The following MAN1A2 variants were observed in gnomAD, a reference collection of about 807,000 sequenced individuals.
MAN1A2 encodes the protein mannosidase alpha class 1A member 2.
A neutral mutation model predicts 75.7 loss-of-function variants in MAN1A2; 26 were observed. That is an observed-to-expected ratio of 0.34 (90% confidence interval 0.25 to 0.48). The LOEUF is 0.48. Ranked by LOEUF, MAN1A2 falls within the 20% of genes least tolerant of loss-of-function variation. The pLI, the probability that MAN1A2 is intolerant of heterozygous loss-of-function variation, is 0.99. For synonymous variants in MAN1A2, 247 were observed against 264.6 expected, an observed-to-expected ratio of 0.93 and a Z score of 0.65; for missense variants, 562 against 775.5, an observed-to-expected ratio of 0.72 and a Z score of 3.27.
chr1:117,440,030 T>G (rs1648979071), intron 5 of MAN1A2, among the ~76,000 whole-genome samples: 1 of 152,212 alleles, frequency 6.6e-6, no homozygotes. Context: ...AATAGAGGAC[T>G]GAGTAAATAA....
At chr1:117,457,077 T>C (rs1482873399) in intron 6 of MAN1A2, among the ~76,000 whole-genome samples, 1 of 152,120 alleles carries the variant, frequency 6.6e-6, no homozygotes, top group Non-Finnish European at 1.5e-5. Flanking sequence ...AATACATTGA[T>C]TAAATATATT....
chr1:117,473,331 A>G (rs1226358807), intron 8 of MAN1A2, among the ~76,000 whole-genome samples: 1 of 151,926 alleles, frequency 6.6e-6, no homozygotes, highest in African/African-American at 2.4e-5. Context: ...TTCAATTGCC[A>G]CTACCCTGAG....
chr1:117,439,498 C>CT (rs552558755), intron 5 of MAN1A2, among the ~76,000 whole-genome samples: 21,643 of 146,956 alleles, frequency 0.15, 1,746 homozygotes, highest in South Asian at 0.22. Flanking sequence ...TGTTGTCTTA[C>CT]TTTTTTTTTT....
chr1:117,396,496 A>C lies in MAN1A2; in HGVS notation c.303-5690A>C, dbSNP rs77163890. On this transcript the variant is annotated intron_variant, in intron 1 of 12. Transcript: ENST00000356554. Reference sequence around the variant, plus strand: ...TCTTAAAAATATGTATATAAGAGAAAGATCATCCAAGTGAAAATAAAACCC... The same window carrying C: ...TCTTAAAAATATGTATATAAGAGAACGATCATCCAAGTGAAAATAAAACCC... 4.6e-3 allele frequency among the ~76,000 whole-genome samples: 700 copies of C among 152,364 alleles called. 7 individuals carry two copies. Among genetic ancestry groups the C allele is most frequent in the African/African-American group, 0.016 (667 of 41,574 alleles).
At chr1:117,409,605 G>A (rs1460187073) in intron 3 of MAN1A2, among the ~76,000 whole-genome samples, 1 of 151,940 alleles carries the variant, frequency 6.6e-6, no homozygotes, top group Non-Finnish European at 1.5e-5. Flanking sequence ...GGTTGTTCAG[G>A]CTGTCTCTAT....
At chr1:117,376,312 C>T (rs1476269790) in intron 1 of MAN1A2, among the ~76,000 whole-genome samples, 2 of 59,622 alleles carry the variant, frequency 3.4e-5, no homozygotes, top group African/African-American at 1.8e-4. Flanking sequence ...TCCAGCATGA[C>T]TCAAGTGAGT....
intron 4 of MAN1A2, among the ~76,000 whole-genome samples, chr1:117,418,355 C>T (rs1329285517): frequency 6.6e-6 from 1 of 151,904 alleles, no homozygotes; most frequent in Non-Finnish European, 1.5e-5. Context: ...TGGGGTACTG[C>T]TATTAGTATT....
intron 7 of MAN1A2, among the ~76,000 whole-genome samples, chr1:117,462,716 G>A (rs1448597479): frequency 6.6e-6 from 1 of 152,124 alleles, no homozygotes; most frequent in African/African-American, 2.4e-5. Flanking sequence ...CTGAGCTTGT[G>A]GAAAACGTAA....
Position 117,528,755 on chromosome 1 carries a change from G to T in MAN1A2, c.*5798G>T, listed in dbSNP as rs1275502915. The T allele has an allele frequency of 6.6e-6, 1 of 151,932 alleles. No homozygotes were observed. The highest frequency in any genetic ancestry group is 2.4e-5 in the African/African-American group (1 of 41,376). 9.4% of individuals were successfully genotyped at this position (151,932 alleles called of 1,614,324 possible). A position where few individuals can be genotyped will look rare whatever the true frequency, so the allele number is the denominator to read the frequency against. On this transcript the variant is annotated 3_prime_UTR_variant, in exon 13 of 13. Coordinates refer to ENST00000356554, the MANE Select transcript of MAN1A2 (RefSeq NM_006699.5). ...TGGGGTAAGTATAATCTCCTAAATT[G>T]GTACCCACTGGCTGCTCCTAAACTG...
Position 117,496,961 on chromosome 1 carries a change from C to G in MAN1A2, c.1483C>G (p.His495Asp). The change falls in exon 10 of 13, where the codon CAT (histidine) becomes GAT (aspartate). Residue 495 changes from histidine to aspartate, a missense_variant. Around this residue, in one of 2 missense-constraint regions of MAN1A2, gnomAD observed 434 missense variants for 645.7 expected, o/e 0.67. Transcript: ENST00000356554. ...AGGGGCAGAAATTGCACGTACTTGTCATGAGTCATATGACAGAACTGGTAA... is the reference window on the plus strand; with the variant it reads ...AGGGGCAGAAATTGCACGTACTTGTGATGAGTCATATGACAGAACTGGTAA... Reference protein sequence around the residue: ...ELGAEIARTCHESYDRTALKL... With the variant: ...ELGAEIARTCDESYDRTALKL... The G allele has an allele frequency of 6.2e-7, 1 of 1,611,666 alleles. No homozygotes were observed. The highest frequency in any genetic ancestry group is 1.1e-5 in the South Asian group (1 of 90,930).
At chr1:117,514,323 A>G (rs1651642353) in intron 12 of MAN1A2, among the ~76,000 whole-genome samples, 1 of 151,380 alleles carries the variant, frequency 6.6e-6, no homozygotes, top group Admixed American at 6.6e-5. Flanking sequence ...AGATCATGCC[A>G]CTGCACTCCA....
At chr1:117,487,418 A>G (rs1025461997) in intron 8 of MAN1A2, among the ~76,000 whole-genome samples, 17 of 152,026 alleles carry the variant, frequency 1.1e-4, no homozygotes, top group African/African-American at 4.1e-4. Flanking sequence ...CTAGGATACA[A>G]TAAATGATTA....
intron 9 of MAN1A2, chr1:117,493,697 C>CT (rs1454029573): frequency 1.3e-5 from 2 of 153,282 alleles, no homozygotes; most frequent in African/African-American, 4.8e-5. Flanking sequence ...AGTAGAATCG[C>CT]TTGAACCTGG....
Position 117,496,923 on chromosome 1 carries a change from A to C in MAN1A2, c.1445A>C (p.His482Pro). The change falls in exon 10 of 13, where the codon CAT becomes CCT. Residue 482 changes from histidine to proline, a missense_variant. By Grantham distance (77) the His-to-Pro change is moderately conservative. Around this residue, in one of 2 missense-constraint regions of MAN1A2, gnomAD observed 434 missense variants for 645.7 expected, o/e 0.67. Transcript: ENST00000356554. Reference protein sequence around the residue: ...ADGSRADKAGHYLELGAEIAR... With the variant: ...ADGSRADKAGPYLELGAEIAR... ...GGTTCCAGAGCAGATAAAGCTGGTC[A>C]TTATTTAGAGCTAGGGGCAGAAATT... 7 of 1,612,642 alleles carry C rather than the reference A, an allele frequency of 4.3e-6. No individual in the cohort carries two copies. Among genetic ancestry groups the C allele is most frequent in the Non-Finnish European group, 5.9e-6 (7 of 1,179,150 alleles).
intron 5 of MAN1A2, among the ~76,000 whole-genome samples, chr1:117,434,730 C>A (rs1347519311): frequency 6.8e-6 from 1 of 147,954 alleles, no homozygotes; most frequent in African/African-American, 2.5e-5. Flanking sequence ...AAGTTATAGA[C>A]CAGTAGTTGG....
chr1:117,454,764 G>A (rs1375142480), intron 6 of MAN1A2, among the ~76,000 whole-genome samples: 2 of 152,148 alleles, frequency 1.3e-5, no homozygotes, highest in African/African-American at 2.4e-5. Context: ...CTCGCATAGT[G>A]GGGCCTATAG....
intron 1 of MAN1A2, among the ~76,000 whole-genome samples, chr1:117,373,149 G>GTTT (rs59450083): frequency 2.7e-5 from 4 of 147,458 alleles, no homozygotes; most frequent in African/African-American, 9.9e-5. Flanking sequence ...TATGATTCGT[G>GTTT]TTTTTTTTTT....
At chr1:117,388,844 G>A (rs1056402423) in intron 1 of MAN1A2, among the ~76,000 whole-genome samples, 14 of 152,116 alleles carry the variant, frequency 9.2e-5, no homozygotes, top group African/African-American at 3.4e-4. Context: ...AATGAATAGT[G>A]TACCAAAACC....
intron 6 of MAN1A2, among the ~76,000 whole-genome samples, chr1:117,443,040 G>T (rs1179051302): frequency 6.6e-6 from 1 of 152,098 alleles, no homozygotes; most frequent in African/African-American, 2.4e-5. Context: ...GAAATTTGTT[G>T]TGCTCATTTT....
Sources: gnomAD v4.1 joint callset for allele counts (sites outside exome capture counted in the v4.1 genomes callset) on GRCh38, gnomAD v4.1.1 for gene constraint, gnomAD v4.1.1 regional missense constraint, MANE v1.5 for transcripts, NCBI Gene and HGNC (gene_info 2026-07-23, HGNC 2026-07-21) for gene names.